The following MAP1A variants were observed in gnomAD, a reference collection of about 807,000 sequenced individuals.
MAP1A encodes microtubule associated protein 1A.
In MAP1A, 42 loss-of-function variants were observed where a neutral mutation model predicts 185.9. That is an observed-to-expected ratio of 0.23 (90% CI 0.18 to 0.29). MAP1A has a LOEUF of 0.29. MAP1A is among the 10% of genes least tolerant of loss of function. The pLI, the probability that MAP1A is intolerant of heterozygous loss-of-function variation, is 1.00. For synonymous variants in MAP1A, 1,229 were observed against 1,335.9 expected, an observed-to-expected ratio of 0.92 and a Z score of 1.74; for missense variants, 2,995 against 3,450.4, an observed-to-expected ratio of 0.87 and a Z score of 3.31.
chr15:43,517,627 CAG>C lies in MAP1A; in HGVS notation c.-446_-445del, dbSNP rs2079303020. 1 of 926,936 alleles carries C rather than the reference CAG, an allele frequency of 1.1e-6. No individual in the cohort carries two copies. Among genetic ancestry groups the C allele is most frequent in the South Asian group, 5.1e-5 (1 of 19,448 alleles). The allele number at this position is 926,936 out of a possible 1,614,324, so 57.4% of individuals were successfully genotyped here. On this transcript the variant is annotated 5_prime_UTR_variant, in exon 1 of 6. Coordinates refer to ENST00000300231, the MANE Select transcript of MAP1A (RefSeq NM_002373.6). ...CGCCCCACTCCCACCCTAAGTGCTG[CAG>C]ACTCTTCCCTGAAGCTGCCGGCTGA...
Position 43,528,923 on chromosome 15 carries a change from G to T in MAP1A, c.7450G>T (p.Gly2484Trp), listed in dbSNP as rs771910671. 1.9e-6 allele frequency: 3 copies of T among 1,613,032 alleles called. No individual in the cohort carries two copies. Among genetic ancestry groups the T allele is most frequent in the Non-Finnish European group, 2.5e-6 (3 of 1,179,966 alleles). Residue 2484 changes from glycine to tryptophan, a missense_variant, in exon 4 of 6, where the codon GGG becomes TGG. This residue lies in a region of MAP1A where 2,728 missense variants were observed against 2,986.0 expected (regional missense o/e 0.91). Coordinates refer to ENST00000300231, the MANE Select transcript of MAP1A (RefSeq NM_002373.6). ...AAGAGGGGGGCGGCGCCGGGTAGGG[G>T]GGCCAGGGACCACTGGGGGCCCATG... ...VGRGGRRRVG[G>W]PGTTGGPCPV...
chr15:43,518,565 G>C (rs1311156814), intron 1 of MAP1A, among the ~76,000 whole-genome samples: 1 of 152,012 alleles, frequency 6.6e-6, no homozygotes, highest in Non-Finnish European at 1.5e-5. Context: ...GGGGTGGGGG[G>C]TGGGGGCGGA....
intron 2 of MAP1A, 118 bp from the exon 3 acceptor site, chr15:43,520,854 C>A: frequency 7.7e-7 from 1 of 1,300,454 alleles, no homozygotes. Flanking sequence ...CTCCAGCCCA[C>A]TCTGGAGGTG....
At chr15:43,511,117 C>T (rs948236013) in exon 1 of MAP1A, 2 of 1,550,382 alleles carry the variant, frequency 1.3e-6, no homozygotes, top group Non-Finnish European at 1.7e-6. Flanking sequence ...AGGCCGGAGC[C>T]GCGGTGGCGG....
Position 43,528,679 on chromosome 15 carries a change from G to A in MAP1A, c.7206G>A (p.Arg2402=). ...AWPEGAERSS[R]PDTLLSPEQP... ...CTGAAGGAGCTGAGAGGAGCTCCCG[G>A]CCTGACACATTGCTCTCCCCTGAGC... The change falls in exon 4 of 6, where the codon CGG becomes CGA. Residue 2402 remains arginine (R), a synonymous_variant. Coordinates refer to ENST00000300231, the MANE Select transcript of MAP1A (RefSeq NM_002373.6). 1.2e-6 allele frequency: 2 copies of A among 1,613,686 alleles called. No homozygotes were observed. The highest frequency in any genetic ancestry group is 1.7e-6 in the Non-Finnish European group (2 of 1,179,968).
In MAP1A at chr15:43,522,888, G is replaced by T. The variant is rs372755049; in HGVS notation, c.1415G>T (p.Arg472Leu). ...PDLKPFTPEV[R>L]KTLYKAKVPG... is the part of the protein sequence containing the mutation. The stretch of plus-strand genomic sequence containing the variant: ...CTAAAGCCCTTTACTCCTGAGGTAC[G>T]TAAGACCCTCTATAAAGCCAAGGTC... The change falls in exon 4 of 6, where the codon CGT becomes CTT. Residue 472 changes from arginine (R) to leucine (L), a missense_variant. Physicochemically the swap from Arg to Leu is moderately radical, Grantham distance 102. Coordinates refer to ENST00000300231, the MANE Select transcript of MAP1A (RefSeq NM_002373.6). The surrounding 1 kb of genome is among the most constrained non-coding windows in gnomAD (Gnocchi z 5.9). 6.2e-7 allele frequency: 1 copy of T among 1,611,532 alleles called. No homozygotes were observed. Among genetic ancestry groups the T allele is most frequent in the Non-Finnish European group, 8.5e-7 (1 of 1,178,866 alleles).
In MAP1A at chr15:43,523,334, G is replaced by A. The variant is rs1421190121; in HGVS notation, c.1861G>A (p.Asp621Asn). The A allele has an allele frequency of 1.9e-6, 3 of 1,610,486 alleles. No individual in the cohort carries two copies. Among genetic ancestry groups the A allele is most frequent in the Middle Eastern group, 1.7e-4 (1 of 6,058 alleles). ...TGGGGCTGAAACAGAGGAAGAGAAA[G>A]ATACCTGGGAGGAAAAGAAGCAGAG... The part of the protein sequence containing the change: ...DSGAETEEEK[D>N]TWEEKKQREA... Residue 621 changes from aspartate to asparagine, a missense_variant, in exon 4 of 6, where the codon GAT (aspartate) becomes AAT (asparagine). Physicochemically the swap from Asp to Asn is conservative, Grantham distance 23. Around this residue, in one of 3 missense-constraint regions of MAP1A, gnomAD observed 2,728 missense variants for 2,986.0 expected, o/e 0.91. Coordinates refer to ENST00000300231, the MANE Select transcript of MAP1A (RefSeq NM_002373.6).
chr15:43,526,946 C>G lies in MAP1A; in HGVS notation c.5473C>G (p.Leu1825Val). The G allele has an allele frequency of 6.2e-7, 1 of 1,613,830 alleles. No individual in the cohort carries two copies. The highest frequency in any genetic ancestry group is 8.5e-7 in the Non-Finnish European group (1 of 1,179,824). ...AGAGAGTCCTATCCCAGACCCTAAG[C>G]TCATGCCACACATGAAGAATGAACC... ...GQESPIPDPKLMPHMKNEPTT... is the reference protein window; with the variant it reads ...GQESPIPDPKVMPHMKNEPTT... The change falls in exon 4 of 6, where the codon CTC becomes GTC. Residue 1825 changes from leucine (L) to valine (V), a missense_variant. Coordinates refer to ENST00000300231, the MANE Select transcript of MAP1A (RefSeq NM_002373.6). The surrounding 1 kb of genome is among the most constrained non-coding windows in gnomAD (Gnocchi z 4.7).
chr15:43,526,126 A>G lies in MAP1A; in HGVS notation c.4653A>G (p.Leu1551=), dbSNP rs2079342484. ...TCTCAGAAAAGAAGGATCAGGCCTT[A>G]GAACAAAAATACTGGGCTTTGGGAC... ...DKVSEKKDQA[L]EQKYWALGQK... is the part of the protein sequence containing the mutation. The change falls in exon 4 of 6, where the codon TTA becomes TTG. Residue 1551 remains leucine, a synonymous_variant. Transcript: ENST00000300231. This position sits in a 1 kb window ranked among gnomAD's most constrained non-coding sequence, Gnocchi z 4.7. 6.2e-7 allele frequency: 1 copy of G among 1,613,962 alleles called. No individual in the cohort carries two copies.
Position 43,527,266 on chromosome 15 carries a change from C to T in MAP1A, c.5793C>T (p.Ser1931=). Residue 1931 remains serine, a synonymous_variant, in exon 4 of 6, where the codon AGC becomes AGT. Transcript: ENST00000300231. ...AGGCTCCTGACAAAAGCTCACACAG[C>T]TCAAAGGTACCAGAGGCCAGCAAAA... ...RAEAPDKSSH[S]SKVPEASKSH... 1.2e-6 allele frequency: 2 copies of T among 1,614,192 alleles called. No homozygotes were observed. Among genetic ancestry groups the T allele is most frequent in the Non-Finnish European group, 1.7e-6 (2 of 1,180,012 alleles).
chr15:43,524,680 C>T lies in MAP1A; in HGVS notation c.3207C>T (p.Ser1069=). ...AAGAGAAAGTTCCTCCTCCCAGGAG[C>T]CCCCAGGCCCAGGAAGCACCTGTCA... The part of the protein sequence containing the change: ...EKEEKVPPPR[S]PQAQEAPVNI... Residue 1069 remains serine (S), a synonymous_variant, in exon 4 of 6, where the codon AGC becomes AGT. Coordinates refer to ENST00000300231, the MANE Select transcript of MAP1A (RefSeq NM_002373.6). 1.2e-6 allele frequency: 2 copies of T among 1,614,140 alleles called. No individual in the cohort carries two copies. Among genetic ancestry groups the T allele is most frequent in the South Asian group, 2.2e-5 (2 of 91,084 alleles).
In MAP1A at chr15:43,523,407, A is replaced by G. The variant is rs765014255; in HGVS notation, c.1934A>G (p.Glu645Gly). The change falls in exon 4 of 6, where the codon GAA (glutamate) becomes GGA (glycine). Residue 645 changes from glutamate to glycine, a missense_variant. By Grantham distance (98) the Glu-to-Gly change is moderately conservative. Around this residue, in one of 3 missense-constraint regions of MAP1A, gnomAD observed 2,728 missense variants for 2,986.0 expected, o/e 0.91. Coordinates refer to ENST00000300231, the MANE Select transcript of MAP1A (RefSeq NM_002373.6). ...PDRTEAREES[E>G]PEVKEDVIEK... Reference sequence around the variant, plus strand: ...AGAACAGAAGCCAGAGAGGAAAGTGAACCTGAAGTAAAGGAGGATGTGATA... The same window carrying G: ...AGAACAGAAGCCAGAGAGGAAAGTGGACCTGAAGTAAAGGAGGATGTGATA... The G allele has an allele frequency of 4.3e-6, 7 of 1,613,054 alleles. No individual in the cohort carries two copies. The East Asian group carries it at 1.6e-4, about 36-fold the overall frequency.
rs963912212 is a variant in MAP1A at position 43,531,151 on chromosome 15, A to G, written c.*927A>G. ...ACCCCAGCAATGTGTGACTCCCCCA[A>G]CATTCCACTATGCCATCCTGCAGCT... is the stretch of plus-strand genomic sequence containing the variant. On this transcript the variant is annotated 3_prime_UTR_variant, in exon 6 of 6. Transcript: ENST00000300231. The G allele has an allele frequency of 2.0e-5, 3 of 152,670 alleles. No individual in the cohort carries two copies. Among genetic ancestry groups the G allele is most frequent in the African/African-American group, 7.2e-5 (3 of 41,424 alleles). 9.5% of individuals were successfully genotyped at this position (152,670 alleles called of 1,614,324 possible).
chr15:43,523,168 G>C lies in MAP1A; in HGVS notation c.1695G>C (p.Glu565Asp). The C allele has an allele frequency of 1.1e-5, 17 of 1,614,146 alleles. No homozygotes were observed. The highest frequency in any genetic ancestry group is 1.3e-5 in the Non-Finnish European group (15 of 1,180,022). The change falls in exon 4 of 6, where the codon GAG (glutamate) becomes GAC (aspartate). Residue 565 changes from glutamate (E) to aspartate (D), a missense_variant. By Grantham distance (45) the Glu-to-Asp change is conservative. Around this residue, in one of 3 missense-constraint regions of MAP1A, gnomAD observed 2,728 missense variants for 2,986.0 expected, o/e 0.91. Transcript: ENST00000300231. ...AGCCATTCCCTCTAGACACTGCAGAGGAGGGACCCCCAAGTACAGCTATCC... is the reference window on the plus strand; with the variant it reads ...AGCCATTCCCTCTAGACACTGCAGACGAGGGACCCCCAAGTACAGCTATCC... ...GDKPFPLDTAEEGPPSTAIQG... is the reference protein window; with the variant it reads ...GDKPFPLDTADEGPPSTAIQG...
At chr15:43,519,033 G>C (rs2079309830) in intron 1 of MAP1A, among the ~76,000 whole-genome samples, 1 of 152,130 alleles carries the variant, frequency 6.6e-6, no homozygotes, top group Non-Finnish European at 1.5e-5. Flanking sequence ...AAGCAAATCA[G>C]TGTGTGCTAT....
chr15:43,511,434 C>G (rs2079277564), intron 1 of MAP1A, among the ~76,000 whole-genome samples: 1 of 152,216 alleles, frequency 6.6e-6, no homozygotes, highest in African/African-American at 2.4e-5. Flanking sequence ...CTGCACACTC[C>G]ATGGCGTTCC....
Position 43,527,696 on chromosome 15 carries a change from C to A in MAP1A, c.6223C>A (p.Pro2075Thr). 6.2e-7 allele frequency: 1 copy of A among 1,613,130 alleles called. No individual in the cohort carries two copies. Among genetic ancestry groups the A allele is most frequent in the Non-Finnish European group, 8.5e-7 (1 of 1,179,584 alleles). The stretch of plus-strand genomic sequence containing the variant: ...TCCTATCCTGAGCAAAGGCCCAAGC[C>A]CCCCTCTTAATGGTAACATCCTGAG... The part of the protein sequence containing the change: ...RAPILSKGPS[P>T]PLNGNILSCS... The change falls in exon 4 of 6, where the codon CCC becomes ACC. Residue 2075 changes from proline to threonine, a missense_variant. Pro to Thr is a conservative substitution (Grantham distance 38). Transcript: ENST00000300231.
Position 43,527,737 on chromosome 15 carries a change from G to A in MAP1A, c.6264G>A (p.Arg2088=), listed in dbSNP as rs763357336. ...ACATCCTGAGCTGCAGCCCAGATAG[G>A]AGGTCCCCATCCCCCAAGGAATCAG... The part of the protein sequence containing the change: ...NGNILSCSPD[R]RSPSPKESGR... The change falls in exon 4 of 6, where the codon AGG becomes AGA. Residue 2088 remains arginine, a synonymous_variant. Coordinates refer to ENST00000300231, the MANE Select transcript of MAP1A (RefSeq NM_002373.6). 1 of 1,613,502 alleles carries A rather than the reference G, an allele frequency of 6.2e-7. No homozygotes were observed. The highest frequency in any genetic ancestry group is 8.5e-7 in the Non-Finnish European group (1 of 1,179,846).
At position 43,522,251 on chromosome 15, in the gene MAP1A, G is replaced by A. The variant is rs958080607; in HGVS notation, c.778G>A (p.Glu260Lys). The change falls in exon 4 of 6, where the codon GAG (glutamate) becomes AAG (lysine). Residue 260 changes from glutamate to lysine, a missense_variant. Glu to Lys is a moderately conservative substitution (Grantham distance 56). This residue lies in a region of MAP1A where 264 missense variants were observed against 435.3 expected (regional missense o/e 0.61). Coordinates refer to ENST00000300231, the MANE Select transcript of MAP1A (RefSeq NM_002373.6). This position sits in a 1 kb window ranked among gnomAD's most constrained non-coding sequence, Gnocchi z 5.9. Reference sequence around the variant, plus strand: ...GGTCTGGCTACCAGCCAATCCCACTGAGAAGATTGTGCGTGTGCTTTTTCC... The same window carrying A: ...GGTCTGGCTACCAGCCAATCCCACTAAGAAGATTGTGCGTGTGCTTTTTCC... ...LVVWLPANPT[E>K]KIVRVLFPGN... 3 of 1,614,238 alleles carry A rather than the reference G, an allele frequency of 1.9e-6. No individual in the cohort carries two copies. The highest frequency in any genetic ancestry group is 3.3e-5 in the Admixed American group (2 of 60,034).
Sources: gnomAD v4.1 joint callset for allele counts (sites outside exome capture counted in the v4.1 genomes callset) on GRCh38, gnomAD v4.1.1 for gene constraint, gnomAD v4.1.1 regional missense constraint, Gnocchi (gnomAD v3.1) non-coding constraint, MANE v1.5 for transcripts, NCBI Gene and HGNC (gene_info 2026-07-23, HGNC 2026-07-21) for gene names.